The following GRM5 variants were observed in gnomAD, a reference collection of about 807,000 sequenced individuals.
GRM5 encodes glutamate metabotropic receptor 5.
A neutral mutation model predicts 83.1 loss-of-function variants in GRM5; 19 were observed. The observed-to-expected ratio is 0.23, with a 90% confidence interval of 0.16 to 0.34. The LOEUF (loss-of-function observed/expected upper bound fraction) is 0.34. Among genes scored for constraint, GRM5 ranks in the 10% least tolerant of loss-of-function variants. GRM5 has a pLI of 1.00. For missense variants in GRM5, 1,160 were observed against 1,588.3 expected (o/e 0.73, Z 4.58); for synonymous variants, 675 against 633.6 (o/e 1.07, Z -0.98).
At position 88,681,682 on chromosome 11, in the gene GRM5, T is replaced by G. The variant is rs187146926; in HGVS notation, c.912-28279A>C. On this transcript the variant is annotated intron_variant, in intron 3 of 9. Transcript: ENST00000305447. ...CCCTCCTGGGTTCAAACGATTCTCC[T>G]ACCTCAGCCTCCCAAGTAGCTGGGA... Among the ~76,000 whole-genome samples the G allele has an allele frequency of 5.3e-3, 781 of 148,492 alleles. 2 individuals carry two copies. Among genetic ancestry groups the G allele is most frequent in the African/African-American group, 0.018 (727 of 40,364 alleles).
chr11:88,910,847 T>G (rs896150197), intron 2 of GRM5, among the ~76,000 whole-genome samples: 4 of 622 alleles, frequency 6.4e-3, no homozygotes, highest in East Asian at 0.25. Flanking sequence ...TAGAACGTAT[T>G]TTTTTTTTGT....
intron 7 of GRM5, among the ~76,000 whole-genome samples, chr11:88,582,326 A>T (rs1227761660): frequency 7.2e-5 from 11 of 152,192 alleles, no homozygotes; most frequent in Admixed American, 6.5e-4. Context: ...TGTGTGGTTT[A>T]ACTATTGTAT....
chr11:88,821,010 T>TA (rs1462388265), intron 3 of GRM5, among the ~76,000 whole-genome samples: 1 of 152,094 alleles, frequency 6.6e-6, no homozygotes, highest in Non-Finnish European at 1.5e-5. Context: ...TTCAGAAATA[T>TA]ATACAAATGG....
chr11:88,668,071 T>C (rs1449822588), intron 3 of GRM5, among the ~76,000 whole-genome samples: 2 of 151,980 alleles, frequency 1.3e-5, no homozygotes, highest in East Asian at 1.9e-4. Context: ...AAATATGTTA[T>C]GGAAATAAAT....
intron 3 of GRM5, among the ~76,000 whole-genome samples, chr11:88,690,647 A>G (rs1184609126): frequency 1.3e-5 from 2 of 152,176 alleles, no homozygotes; most frequent in African/African-American, 4.8e-5. Context: ...AGGTGTGGAG[A>G]TGCCTCAAAT....
At chr11:88,902,661 A>T (rs1229966559) in intron 2 of GRM5, among the ~76,000 whole-genome samples, 1 of 152,100 alleles carries the variant, frequency 6.6e-6, no homozygotes, top group Non-Finnish European at 1.5e-5. Flanking sequence ...TATGTGTGAA[A>T]ATAAAGCAGA....
At chr11:88,870,328 A>G (rs1325280952) in intron 2 of GRM5, among the ~76,000 whole-genome samples, 1 of 151,596 alleles carries the variant, frequency 6.6e-6, no homozygotes, top group East Asian at 1.9e-4. Context: ...AAGTTATAGA[A>G]TGAAAATAAT....
Position 88,508,910 on chromosome 11 carries a change from C to A in GRM5, c.3321G>T (p.Thr1107=). 2 of 1,601,062 alleles carry A rather than the reference C, an allele frequency of 1.2e-6. No homozygotes were observed. The highest frequency in any genetic ancestry group is 8.5e-7 in the Non-Finnish European group (1 of 1,174,502). ...YLIPKEIQLP[T]TMTTFAEIQP... ...GGATTTCGGCAAAGGTCGTCATGGT[C>A]GTGGGCAACTGGATCTCTTTGGGGA... The change falls in exon 10 of 10, where the codon ACG becomes ACT. Residue 1107 remains threonine (T), a synonymous_variant. Coordinates refer to ENST00000305447, the MANE Select transcript of GRM5 (RefSeq NM_001143831.3). The surrounding 1 kb of genome is among the most constrained non-coding windows in gnomAD (Gnocchi z 4.2).
chr11:88,921,625 A>AC (rs1555041746), intron 2 of GRM5, among the ~76,000 whole-genome samples: 1 of 94,580 alleles, frequency 1.1e-5, no homozygotes, highest in Non-Finnish European at 2.3e-5. Flanking sequence ...GTGAGACTCC[A>AC]TTTAAAAAAA....
At chr11:88,888,681 A>C (rs1026222472) in intron 2 of GRM5, among the ~76,000 whole-genome samples, 1 of 152,186 alleles carries the variant, frequency 6.6e-6, no homozygotes, top group Non-Finnish European at 1.5e-5. Flanking sequence ...AACCGGTAAA[A>C]GAAATAATAA....
At chr11:88,890,399 C>T (rs1316336101) in intron 2 of GRM5, among the ~76,000 whole-genome samples, 1 of 152,010 alleles carries the variant, frequency 6.6e-6, no homozygotes, top group Non-Finnish European at 1.5e-5. Flanking sequence ...AGCCAGTAAT[C>T]CAATTAAGAA....
At chr11:88,775,419 T>C (rs967218094) in intron 3 of GRM5, among the ~76,000 whole-genome samples, 1 of 152,164 alleles carries the variant, frequency 6.6e-6, no homozygotes, top group African/African-American at 2.4e-5. Context: ...TTTGAAGGGT[T>C]TTTTTGCGTG....
At position 89,009,900 on chromosome 11, in the gene GRM5, C is replaced by CAAAAAAA. The variant is rs758398638; in HGVS notation, c.661+37305_661+37311dup. Among the ~76,000 whole-genome samples, 22 of 21,684 alleles carry CAAAAAAA rather than the reference C, an allele frequency of 1.0e-3. 1 individual carries two copies. The highest frequency in any genetic ancestry group is 2.4e-3 in the African/African-American group (21 of 8,668). The allele number at this position is 21,684 out of a possible 152,430, so 14.2% of individuals were successfully genotyped here. On this transcript the variant is annotated intron_variant, in intron 2 of 9. Coordinates refer to ENST00000305447, the MANE Select transcript of GRM5 (RefSeq NM_001143831.3). The stretch of plus-strand genomic sequence containing the variant: ...TGGGCGACAGAGCGAGACTCCGTCT[C>CAAAAAAA]AAAAAAAAAAAAAAAAAAAAAAAAA...
intron 3 of GRM5, among the ~76,000 whole-genome samples, chr11:88,684,488 T>A (rs934088132): frequency 6.6e-6 from 1 of 152,160 alleles, no homozygotes; most frequent in Admixed American, 6.5e-5. Context: ...AATTTGCTGT[T>A]GGATTGGATG....
At chr11:88,946,761 C>T (rs997649388) in intron 2 of GRM5, among the ~76,000 whole-genome samples, 10 of 152,150 alleles carry the variant, frequency 6.6e-5, no homozygotes, top group East Asian at 3.9e-4. Flanking sequence ...GACCAAATTA[C>T]GTTTTGCGTT....
At chr11:88,679,636 A>C (rs923354836) in intron 3 of GRM5, among the ~76,000 whole-genome samples, 4 of 152,140 alleles carry the variant, frequency 2.6e-5, no homozygotes, top group African/African-American at 7.2e-5. Context: ...CCTGGGGCTC[A>C]AATACTTTTA....
chr11:88,710,019 C>T lies in GRM5; in HGVS notation c.912-56616G>A, dbSNP rs560232392. On this transcript the variant is annotated intron_variant, in intron 3 of 9. Transcript: ENST00000305447. ...AACCAGAGGGAAAATGCTGGGTATT[C>T]GCATTCACAACTTCAATTGTTTCAA... Among the ~76,000 whole-genome samples, 88 of 152,188 alleles carry T rather than the reference C, an allele frequency of 5.8e-4. No individual in the cohort carries two copies. In the South Asian group the frequency reaches 8.5e-3, roughly 15 times the overall value.
intron 3 of GRM5, among the ~76,000 whole-genome samples, chr11:88,832,162 C>T (rs1944007146): frequency 6.6e-6 from 1 of 151,630 alleles, no homozygotes; most frequent in African/African-American, 2.4e-5. Context: ...AGCCAAAGTG[C>T]CCTATCCAAT....
At chr11:88,973,274 G>A (rs1446888549) in intron 2 of GRM5, among the ~76,000 whole-genome samples, 2 of 152,074 alleles carry the variant, frequency 1.3e-5, no homozygotes, top group Non-Finnish European at 2.9e-5. Context: ...AAGAGGTATG[G>A]TAGGAAGAAT....
Sources: allele counts gnomAD v4.1 joint callset (sites outside exome capture counted in the v4.1 genomes callset), GRCh38; gene constraint gnomAD v4.1.1; non-coding constraint Gnocchi (gnomAD v3.1); transcripts MANE v1.5; gene names NCBI Gene and HGNC (gene_info 2026-07-23, HGNC 2026-07-21).